TPP2: variants seen among roughly 807,000 people sequenced by gnomAD.
TPP2 encodes tripeptidyl peptidase 2, also known as tripeptidyl-peptidase 2.
A neutral mutation model predicts 155.9 loss-of-function variants in TPP2; 34 were observed. The observed-to-expected ratio is 0.22, with a 90% CI of 0.17 to 0.29. TPP2 has a LOEUF of 0.29. Ranked by LOEUF, TPP2 falls within the 10% of genes least tolerant of loss-of-function variation. The probability of loss-of-function intolerance (pLI) is 1.00; values close to 1 mark genes in which losing one functional copy is unlikely to be tolerated. For missense variants in TPP2, 1,028 were observed against 1,522.3 expected, an observed-to-expected ratio of 0.68 and a Z score of 5.40; for synonymous variants, 510 against 529.4, an observed-to-expected ratio of 0.96 and a Z score of 0.50.
chr13:102,646,279 G>T lies in TPP2; in HGVS notation c.2394-15G>T. 2 of 1,600,820 alleles carry T rather than the reference G, an allele frequency of 1.2e-6. No homozygotes were observed. Among genetic ancestry groups the T allele is most frequent in the Non-Finnish European group, 1.7e-6 (2 of 1,174,044 alleles). On this transcript the variant is annotated splice_polypyrimidine_tract_variant and intron_variant, in intron 19 of 29. Transcript: ENST00000376052. ...ACTCTTGAATCAAACCAGTTATGTA[G>T]TTTCCTCATTACAGCCCAGTGAGTG...
chr13:102,638,405 A>T, intron 15 of TPP2, 90 bp downstream of exon 15: 1 of 1,349,704 alleles, frequency 7.4e-7, no homozygotes, highest in East Asian at 2.3e-5. Context: ...GATCACTAAT[A>T]CAGAACCAGG....
chr13:102,668,588 G>T (rs1460421060), intron 27 of TPP2, among the ~76,000 whole-genome samples: 10 of 152,156 alleles, frequency 6.6e-5, no homozygotes, highest in African/African-American at 2.4e-5. Context: ...CCCCACTGAG[G>T]GTATGTTACC....
intron 27 of TPP2, among the ~76,000 whole-genome samples, 156 bp from the exon 28 acceptor site, chr13:102,674,127 A>G (rs1885157935): frequency 6.6e-6 from 1 of 152,218 alleles, no homozygotes; most frequent in South Asian, 2.1e-4. Context: ...ATAAGGCATC[A>G]TATTTGATGT....
At chr13:102,601,908 A>G (rs942650138) in intron 1 of TPP2, among the ~76,000 whole-genome samples, 5 of 152,242 alleles carry the variant, frequency 3.3e-5, no homozygotes, top group African/African-American at 1.2e-4. Context: ...TTGTGTGTGT[A>G]GGAGAGAGAT....
At chr13:102,632,438 C>T (rs1487332120) in intron 10 of TPP2, among the ~76,000 whole-genome samples, 1 of 151,958 alleles carries the variant, frequency 6.6e-6, no homozygotes, top group African/African-American at 2.4e-5. Flanking sequence ...GATGGGGTTT[C>T]ACCATGTTGG....
At chr13:102,647,855 A>G (rs1883228915) in intron 21 of TPP2, among the ~76,000 whole-genome samples, 2 of 152,208 alleles carry the variant, frequency 1.3e-5, no homozygotes, top group African/African-American at 4.8e-5. Flanking sequence ...ATTGAAGGGA[A>G]AAATCACATA....
At chr13:102,606,232 A>G (rs1225483615) in intron 2 of TPP2, among the ~76,000 whole-genome samples, 2 of 152,222 alleles carry the variant, frequency 1.3e-5, no homozygotes, top group African/African-American at 2.4e-5. Flanking sequence ...TTTGCCATCT[A>G]TCTGAATTGT....
At chr13:102,678,205 A>G (rs939416049) in intron 29 of TPP2, 22 bp from the exon 30 acceptor site, 4 of 1,588,328 alleles carry the variant, frequency 2.5e-6, no homozygotes, top group African/African-American at 1.4e-5. Flanking sequence ...TTATAATAAT[A>G]TATTATTGTA....
intron 25 of TPP2, 53 bp downstream of exon 25, chr13:102,657,260 A>G (rs917055571): frequency 5.5e-6 from 8 of 1,461,240 alleles, no homozygotes; most frequent in South Asian, 2.8e-5. Context: ...TATTTTCCCA[A>G]CTATAACAAT....
intron 25 of TPP2, among the ~76,000 whole-genome samples, chr13:102,658,531 C>T (rs1329431446): frequency 6.6e-6 from 1 of 152,136 alleles, no homozygotes; most frequent in Non-Finnish European, 1.5e-5. Flanking sequence ...CCCAGTAAAA[C>T]TAGTGAAAAT....
At chr13:102,656,706 C>T (rs1168311092) in intron 24 of TPP2, among the ~76,000 whole-genome samples, 1 of 152,160 alleles carries the variant, frequency 6.6e-6, no homozygotes. Context: ...TTAGTTTGAA[C>T]TTATTTCATC....
chr13:102,604,649 G>C (rs1879681179), intron 1 of TPP2, 144 bp from the exon 2 acceptor site: 1 of 931,434 alleles, frequency 1.1e-6, no homozygotes, highest in South Asian at 1.9e-5. Context: ...TATTTGTTCA[G>C]GCTTTTGGCT....
At position 102,597,144 on chromosome 13, in the gene TPP2, C is replaced by CG; in HGVS notation, c.112dup (p.Val38GlyfsTer22). 3 of 1,608,842 alleles carry CG rather than the reference C, an allele frequency of 1.9e-6. No homozygotes were observed. Among genetic ancestry groups the CG allele is most frequent in the Non-Finnish European group, 1.7e-6 (2 of 1,178,334 alleles). ...CTGCCGCTACCCGGAGTATGATGGG[C>CG]GGGGGGTGCTCATCGCAGTCCTGGA... On this transcript the variant is annotated frameshift_variant, in exon 1 of 30. Transcript: ENST00000376052. LOFTEE classifies it high-confidence loss of function.
At position 102,644,713 on chromosome 13, in the gene TPP2, A is replaced by G. The variant is rs755750600; in HGVS notation, c.2292+40A>G. On this transcript the variant is annotated intron_variant, in intron 18 of 29. Coordinates refer to ENST00000376052, the MANE Select transcript of TPP2 (RefSeq NM_001330588.2). ...ATTTTCATGATTTTTAATGTCAGTT[A>G]CTTGTGTTACTGGAGAGTAACTTCA... The G allele has an allele frequency of 7.2e-6, 11 of 1,534,942 alleles. No homozygotes were observed. The Admixed American group carries it at 1.5e-4, about 21-fold the overall frequency.
chr13:102,643,507 A>C (rs916101585), intron 17 of TPP2, 131 bp downstream of exon 17: 74 of 929,014 alleles, frequency 8.0e-5, no homozygotes, highest in Admixed American at 1.2e-4. Flanking sequence ...TTTTAATGCC[A>C]AAAAAATGAA....
At chr13:102,607,503 A>G (rs1179891824) in intron 2 of TPP2, 2 of 189,412 alleles carry the variant, frequency 1.1e-5, no homozygotes, top group Non-Finnish European at 2.3e-5. Flanking sequence ...GATTCCTGTG[A>G]GCTATGGTAC....
intron 4 of TPP2, among the ~76,000 whole-genome samples, chr13:102,618,254 A>T (rs1880899368): frequency 6.6e-6 from 1 of 152,218 alleles, no homozygotes; most frequent in Non-Finnish European, 1.5e-5. Context: ...TCTAAAAGAT[A>T]TAAGATGATT....
At chr13:102,648,179 G>GT (rs1222320788) in intron 21 of TPP2, among the ~76,000 whole-genome samples, 2 of 152,098 alleles carry the variant, frequency 1.3e-5, no homozygotes, top group Non-Finnish European at 2.9e-5. Flanking sequence ...TTGGTTTCCT[G>GT]TTTTTTTCCT....
rs1296601676 is a variant in TPP2, at chr13:102,643,278, G to A, written c.2077G>A (p.Val693Ile). 3 of 1,612,308 alleles carry A rather than the reference G, an allele frequency of 1.9e-6. No individual in the cohort carries two copies. Among genetic ancestry groups the A allele is most frequent in the African/African-American group, 2.7e-5 (2 of 74,916 alleles). The change falls in exon 17 of 30, where the codon GTC (valine) becomes ATC (isoleucine). Residue 693 changes from valine to isoleucine, a missense_variant. Physicochemically the swap from Val to Ile is conservative, Grantham distance 29. Coordinates refer to ENST00000376052, the MANE Select transcript of TPP2 (RefSeq NM_001330588.2). ...GTCAGCAAAGTTTGTTCTACATGCA[G>A]TCCAGCTTGTGAAGCAAAGAGCATA... Reference protein sequence around the residue: ...EVSAKFVLHAVQLVKQRAYRS... With the variant: ...EVSAKFVLHAIQLVKQRAYRS...
Sources: allele counts gnomAD v4.1 joint callset (sites outside exome capture counted in the v4.1 genomes callset), GRCh38; gene constraint gnomAD v4.1.1; transcripts MANE v1.5; gene names NCBI Gene and HGNC (gene_info 2026-07-23, HGNC 2026-07-21).